The following SEMA4D variants were observed in gnomAD, a reference collection of about 807,000 sequenced individuals.
SEMA4D encodes semaphorin-4D.
In SEMA4D, 22 loss-of-function variants were observed where a neutral mutation model predicts 74.8. The observed-to-expected ratio is 0.29, with a 90% CI of 0.21 to 0.42. The LOEUF (loss-of-function observed/expected upper bound fraction) is 0.42. Among genes scored for constraint, SEMA4D ranks in the 10% least tolerant of loss-of-function variants. SEMA4D has a pLI of 1.00. For synonymous variants in SEMA4D, 445 were observed against 463.7 expected, an observed-to-expected ratio of 0.96 and a Z score of 0.52; for missense variants, 937 against 1,118.4, an observed-to-expected ratio of 0.84 and a Z score of 2.31.
intron 16 of SEMA4D, chr9:89,364,114 A>G: frequency 4.1e-6 from 6 of 1,450,812 alleles, no homozygotes; most frequent in East Asian, 2.4e-5. Context: ...TGGCTTCCCC[A>G]TGGCCAGCGG....
At position 89,484,050 on chromosome 9, in the gene SEMA4D, A is replaced by G. The variant is rs1260089146; in HGVS notation, c.-310+13869T>C. 1.3e-5 allele frequency among the ~76,000 whole-genome samples: 2 copies of G among 152,238 alleles called. No individual in the cohort carries two copies. The highest frequency in any genetic ancestry group is 2.9e-5 in the Non-Finnish European group (2 of 68,034). On this transcript the variant is annotated intron_variant, in intron 1 of 15. Transcript: ENST00000422704. The surrounding 1 kb of genome is among the most constrained non-coding windows in gnomAD (Gnocchi z 4.1). ...CACTGAGGGACAACCCCACTAAGGA[A>G]GAGGGCGGGCCCCACTGAGGCTGCG... is the stretch of plus-strand genomic sequence containing the variant.
chr9:89,375,137 G>A (rs1036444622), downstream of SEMA4D, among the ~76,000 whole-genome samples: 5 of 152,280 alleles, frequency 3.3e-5, no homozygotes, highest in Middle Eastern at 6.8e-3. Flanking sequence ...CTGGGTCCAC[G>A]GCCAGTTCAT....
chr9:89,465,668 G>A (rs757722466), intron 1 of SEMA4D, among the ~76,000 whole-genome samples: 1 of 152,224 alleles, frequency 6.6e-6, no homozygotes, highest in Non-Finnish European at 1.5e-5. Context: ...ATATTGACAT[G>A]AATTTCCAAC....
chr9:89,421,104 G>T (rs1254394112), intron 2 of SEMA4D, among the ~76,000 whole-genome samples: 1 of 152,214 alleles, frequency 6.6e-6, no homozygotes, highest in East Asian at 1.9e-4. Context: ...GGGGGATCGG[G>T]GCTTCCCCAG....
chr9:89,401,760 A>G (rs1460311996), intron 4 of SEMA4D, among the ~76,000 whole-genome samples: 1 of 152,184 alleles, frequency 6.6e-6, no homozygotes, highest in East Asian at 1.9e-4. Flanking sequence ...CCAAGCATCG[A>G]TTCTGCATTT....
chr9:89,403,104 C>T, intron 3 of SEMA4D, 88 bp from the exon 4 acceptor site: 1 of 1,460,570 alleles, frequency 6.8e-7, no homozygotes. Context: ...AGGTCCCTGT[C>T]TCAGTGACAA....
At chr9:89,410,237 C>T (rs907040198) in intron 2 of SEMA4D, among the ~76,000 whole-genome samples, 2 of 152,138 alleles carry the variant, frequency 1.3e-5, no homozygotes, top group African/African-American at 4.8e-5. Context: ...ATACAAGAGG[C>T]GAGTAACTGC....
At chr9:89,362,430 TGAAA>T in intron 18 of SEMA4D, 2 of 1,614,060 alleles carry the variant, frequency 1.2e-6, no homozygotes, top group Non-Finnish European at 1.7e-6. Flanking sequence ...ACAGCTTTCC[TGAAA>T]GAACAATGTG....
chr9:89,402,909 C>T lies in SEMA4D; in HGVS notation c.214G>A (p.Ala72Thr), dbSNP rs13284404. 0.045 allele frequency: 72,586 copies of T among 1,613,980 alleles called. 1,945 individuals are homozygous for T. The highest frequency in any genetic ancestry group is 0.052 in the Non-Finnish European group (60,921 of 1,179,910). ...TCGGAGATGTTGAGTGCGTTCACAG[C>T]GAAGACCGCCTCCCGGGCACCTATG... ...LYIGAREAVF[A>T]VNALNISEKQ... Residue 72 changes from alanine to threonine, a missense_variant, in exon 4 of 16, where the codon GCT (alanine) becomes ACT (threonine). By Grantham distance (58) the Ala-to-Thr change is moderately conservative. Coordinates refer to ENST00000422704, the MANE Select transcript of SEMA4D (RefSeq NM_001371194.2).
chr9:89,410,933 T>C (rs1245451496), intron 2 of SEMA4D, among the ~76,000 whole-genome samples: 1 of 152,212 alleles, frequency 6.6e-6, no homozygotes, highest in Non-Finnish European at 1.5e-5. Context: ...TCAGTATGAG[T>C]GCAGTACAGA....
chr9:89,388,931 G>A lies in SEMA4D; in HGVS notation c.891C>T (p.Phe297=), dbSNP rs770018702. The change falls in exon 10 of 16, where the codon TTC becomes TTT. Residue 297 remains phenylalanine, a synonymous_variant. Transcript: ENST00000422704. ...CCTTCAGGCCCGGGGACCTGAGCAC[G>A]AAGACATCCCGCAGCACATTGAAGA... ...GLVFNVLRDV[F]VLRSPGLKVP... 22 of 1,614,028 alleles carry A rather than the reference G, an allele frequency of 1.4e-5. No individual in the cohort carries two copies. The highest frequency in any genetic ancestry group is 4.4e-5 in the South Asian group (4 of 91,082).
chr9:89,404,342 G>T (rs1452613839), intron 3 of SEMA4D, among the ~76,000 whole-genome samples: 6 of 152,192 alleles, frequency 3.9e-5, no homozygotes, highest in Non-Finnish European at 5.9e-5. Flanking sequence ...GAAGCTTCCT[G>T]TCAGGGGTCC....
Position 89,462,822 on chromosome 9 carries a change from T to C in SEMA4D, c.-309-6869A>G, listed in dbSNP as rs1857576080. On this transcript the variant is annotated intron_variant, in intron 1 of 15. Transcript: ENST00000422704. The stretch of plus-strand genomic sequence containing the variant: ...AGCTGGGTGTGGTGACATGCACCTG[T>C]AGTCCCAGCTACTTGGGAGGGTGAG... Among the ~76,000 whole-genome samples the C allele has an allele frequency of 1.3e-5, 2 of 149,824 alleles. 1 individual carries two copies. Among genetic ancestry groups the C allele is most frequent in the South Asian group, 4.3e-4 (2 of 4,650 alleles).
At position 89,377,261 on chromosome 9, in the gene SEMA4D, TG is replaced by T. The variant is rs1835942084; in HGVS notation, c.*1442del. ...CAAGGATAGAAGCTTCTCATTTATT[TG>T]GGTACTTTCCAAATGTATACAATTC... is the stretch of plus-strand genomic sequence containing the variant. On this transcript the variant is annotated 3_prime_UTR_variant, in exon 16 of 16. Transcript: ENST00000422704. 4 of 668,144 alleles carry T rather than the reference TG, an allele frequency of 6.0e-6. No individual in the cohort carries two copies. The highest frequency in any genetic ancestry group is 9.1e-6 in the Non-Finnish European group (4 of 437,750). The allele number at this position is 668,144 out of a possible 1,614,324, so 41.4% of individuals were successfully genotyped here. A position where few individuals can be genotyped will look rare whatever the true frequency, so the allele number is the denominator to read the frequency against.
At chr9:89,401,388 G>A (rs774708501) in intron 4 of SEMA4D, among the ~76,000 whole-genome samples, 1 of 152,226 alleles carries the variant, frequency 6.6e-6, no homozygotes, top group Non-Finnish European at 1.5e-5. Flanking sequence ...AATGCTCAGA[G>A]CTCATTTATG....
At chr9:89,384,966 C>T in intron 13 of SEMA4D, 1 of 985,412 alleles carries the variant, frequency 1.0e-6, no homozygotes, top group African/African-American at 1.7e-5. Flanking sequence ...GCAACTAAGC[C>T]ACGTCCCCAC....
At chr9:89,368,725 T>C (rs1268363032) in intron 16 of SEMA4D, 1 of 152,360 alleles carries the variant, frequency 6.6e-6, no homozygotes, top group Non-Finnish European at 1.5e-5. Flanking sequence ...TGGTATGCTC[T>C]AGACCACTCA....
intron 1 of SEMA4D, among the ~76,000 whole-genome samples, chr9:89,487,646 C>A (rs1446449339): frequency 1.3e-5 from 2 of 152,022 alleles, no homozygotes; most frequent in Non-Finnish European, 2.9e-5. Flanking sequence ...ACAAAAAAAG[C>A]TACTTAAATA....
chr9:89,471,264 A>C (rs566088887), intron 1 of SEMA4D, among the ~76,000 whole-genome samples: 2 of 152,130 alleles, frequency 1.3e-5, no homozygotes, highest in Non-Finnish European at 2.9e-5. Context: ...ATGATGAAAA[A>C]CCTCAGGAGA....
Sources: allele counts gnomAD v4.1 joint callset (sites outside exome capture counted in the v4.1 genomes callset), GRCh38; gene constraint gnomAD v4.1.1; non-coding constraint Gnocchi (gnomAD v3.1); transcripts MANE v1.5; gene names NCBI Gene and HGNC (gene_info 2026-07-23, HGNC 2026-07-21).